Variants in PDE4D observed in about 807,000 individuals in gnomAD.
PDE4D encodes 3',5'-cyclic-AMP phosphodiesterase 4D.
Under a neutral mutation model 87.4 loss-of-function variants are expected in PDE4D, and 24 were observed. That is an observed-to-expected ratio of 0.27 (90% confidence interval 0.20 to 0.39). PDE4D has a LOEUF of 0.39. Among genes scored for constraint, PDE4D ranks in the 10% least tolerant of loss-of-function variants. The pLI, the probability that PDE4D is intolerant of heterozygous loss-of-function variation, is 1.00. For missense variants in PDE4D, 714 were observed against 1,041.0 expected (o/e 0.69, Z 4.32); for synonymous variants, 384 against 383.2 (o/e 1.00, Z -0.02).
chr5:59,219,478 G>A (rs1011933678), intron 1 of PDE4D, among the ~76,000 whole-genome samples: 2 of 151,872 alleles, frequency 1.3e-5, no homozygotes. Context: ...AGAATCTCCA[G>A]TCTGAAGTAT....
At chr5:59,108,524 G>T (rs1772007373) in intron 5 of PDE4D, among the ~76,000 whole-genome samples, 1 of 152,042 alleles carries the variant, frequency 6.6e-6, no homozygotes, top group Admixed American at 6.6e-5. Flanking sequence ...AAAGGATTAG[G>T]GCTAAAAGGC....
chr5:59,456,688 A>G (rs1184468878), intron 1 of PDE4D, among the ~76,000 whole-genome samples: 7 of 152,224 alleles, frequency 4.6e-5, no homozygotes, highest in Non-Finnish European at 1.0e-4. Context: ...AAAAATCTGG[A>G]TAGGAGTCAC....
intron 1 of PDE4D, among the ~76,000 whole-genome samples, chr5:59,750,471 C>T (rs1327117062): frequency 6.6e-6 from 1 of 152,128 alleles, no homozygotes; most frequent in African/African-American, 2.4e-5. Context: ...ATGAAATGTA[C>T]TTCTGCTGGA....
intron 1 of PDE4D, among the ~76,000 whole-genome samples, chr5:60,331,911 T>C (rs1453698757): frequency 6.6e-6 from 1 of 152,240 alleles, no homozygotes. Context: ...GGAATGCTAC[T>C]CATGTTCCTG....
Position 59,379,121 on chromosome 5 carries a change from C to T in PDE4D, c.456-163153G>A, listed in dbSNP as rs114497296. ...TTCCTGGTCTTCACTGCCTAGTGCA[C>T]GGCAACTAAGCCACAACACCCAAAC... On this transcript the variant is annotated intron_variant, in intron 1 of 14. Coordinates refer to ENST00000340635, the MANE Select transcript of PDE4D (RefSeq NM_001104631.2). Among the ~76,000 whole-genome samples, 500 of 152,162 alleles carry T rather than the reference C, an allele frequency of 3.3e-3. 5 individuals are homozygous for T. The highest frequency in any genetic ancestry group is 0.011 in the African/African-American group (475 of 41,506).
intron 1 of PDE4D, among the ~76,000 whole-genome samples, chr5:59,579,616 C>T (rs982322781): frequency 2.6e-5 from 4 of 152,094 alleles, no homozygotes; most frequent in African/African-American, 7.2e-5. Context: ...AGCTGGAGCC[C>T]GTATCAAAGC....
intron 1 of PDE4D, among the ~76,000 whole-genome samples, chr5:60,318,630 T>G (rs1266342872): frequency 2.0e-5 from 3 of 152,216 alleles, no homozygotes; most frequent in Non-Finnish European, 2.9e-5. Flanking sequence ...TACTGGTTTT[T>G]CCTTTCCATG....
chr5:59,512,605 C>G (rs1201699561), intron 1 of PDE4D, among the ~76,000 whole-genome samples: 1 of 151,942 alleles, frequency 6.6e-6, no homozygotes, highest in Non-Finnish European at 1.5e-5. Context: ...TTTATCAAAC[C>G]AAAATTCTGG....
intron 3 of PDE4D, among the ~76,000 whole-genome samples, chr5:59,918,833 T>C (rs149520380): frequency 7.9e-5 from 12 of 152,284 alleles, no homozygotes; most frequent in African/African-American, 2.9e-4. Flanking sequence ...AGATGAAAAC[T>C]GAACCCTAGT....
In PDE4D at chr5:59,196,879, C is replaced by T. The variant is rs562883802; in HGVS notation, c.648-3343G>A. 1.6e-4 allele frequency among the ~76,000 whole-genome samples: 24 copies of T among 152,176 alleles called. No individual in the cohort carries two copies. In the South Asian group the frequency reaches 2.7e-3, roughly 17 times the overall value. ...AGGAGAAAAGACATGCCACCTATGCCGACTTGATTTGCCAGTCTGATAAAC... is the reference window on the plus strand; with the variant it reads ...AGGAGAAAAGACATGCCACCTATGCTGACTTGATTTGCCAGTCTGATAAAC... On this transcript the variant is annotated intron_variant, in intron 2 of 14. Transcript: ENST00000340635.
chr5:59,155,992 G>A (rs1780120878), intron 5 of PDE4D, among the ~76,000 whole-genome samples: 1 of 152,064 alleles, frequency 6.6e-6, no homozygotes, highest in South Asian at 2.1e-4. Flanking sequence ...GGACAGGTTT[G>A]GAATTAGCAT....
At chr5:60,084,403 T>C (rs34386766) in intron 2 of PDE4D, among the ~76,000 whole-genome samples, 21,016 of 151,192 alleles carry the variant, frequency 0.14, 1,493 homozygotes, top group Middle Eastern at 0.22. Context: ...TGTGTGTGTG[T>C]GTGCGCGCGC....
intron 3 of PDE4D, among the ~76,000 whole-genome samples, chr5:59,956,204 T>C (rs1346469538): frequency 1.3e-5 from 2 of 152,284 alleles, no homozygotes; most frequent in East Asian, 3.9e-4. Flanking sequence ...TGACTTCTAA[T>C]GGGAGAAGGT....
chr5:60,028,614 A>G (rs1766904173), intron 2 of PDE4D, among the ~76,000 whole-genome samples: 1 of 152,206 alleles, frequency 6.6e-6, no homozygotes, highest in Non-Finnish European at 1.5e-5. Flanking sequence ...TATAAAAATG[A>G]GTAAAATCCA....
At chr5:60,511,038 G>T (rs912789500) in intron 1 of PDE4D, among the ~76,000 whole-genome samples, 14 of 152,070 alleles carry the variant, frequency 9.2e-5, no homozygotes, top group Non-Finnish European at 2.1e-4. Context: ...GCAGTGGCGA[G>T]TTCTTACTGC....
At chr5:60,033,143 A>G (rs1045627531) in intron 2 of PDE4D, 1 of 152,160 alleles carries the variant, frequency 6.6e-6, no homozygotes, top group African/African-American at 2.4e-5. Flanking sequence ...CTACAATATC[A>G]CTGGTAAAGT....
intron 1 of PDE4D, among the ~76,000 whole-genome samples, chr5:60,461,661 T>A (rs1174127002): frequency 6.6e-6 from 1 of 152,172 alleles, no homozygotes; most frequent in African/African-American, 2.4e-5. Context: ...ACCTTCATGC[T>A]CACACACATG....
At chr5:59,593,098 T>C (rs1826138497) in intron 1 of PDE4D, among the ~76,000 whole-genome samples, 1 of 151,456 alleles carries the variant, frequency 6.6e-6, no homozygotes, top group African/African-American at 2.4e-5. Context: ...GGAATCAAAA[T>C]GGAAAAAAAA....
At chr5:59,657,527 A>G (rs7707855) in intron 1 of PDE4D, among the ~76,000 whole-genome samples, 11,454 of 152,284 alleles carry the variant, frequency 0.075, 1,323 homozygotes, top group African/African-American at 0.25. Flanking sequence ...TCTAAAAATA[A>G]CAGCAACTCT....
Sources: gnomAD v4.1 joint callset for allele counts (sites outside exome capture counted in the v4.1 genomes callset) on GRCh38, gnomAD v4.1.1 for gene constraint, MANE v1.5 for transcripts, NCBI Gene and HGNC (gene_info 2026-07-23, HGNC 2026-07-21) for gene names.